Variants in DENND1A observed in about 807,000 individuals in gnomAD.
DENND1A encodes the protein DENN domain-containing protein 1A.
DENND1A carries 51 observed loss-of-function variants against 113.7 expected under a neutral mutation model. That is an observed-to-expected ratio of 0.45 (90% CI 0.36 to 0.57). The LOEUF (loss-of-function observed/expected upper bound fraction) is 0.57, where lower values mean the gene tolerates loss of function less well. Ranked by LOEUF, DENND1A falls within the 20% of genes least tolerant of loss-of-function variation. The pLI, the probability that DENND1A is intolerant of heterozygous loss-of-function variation, is 0.00. For synonymous variants in DENND1A, 565 were observed against 570.8 expected, an observed-to-expected ratio of 0.99 and a Z score of 0.14; for missense variants, 1,258 against 1,395.9, an observed-to-expected ratio of 0.90 and a Z score of 1.57.
intron 2 of DENND1A, among the ~76,000 whole-genome samples, chr9:123,857,076 C>T (rs1289464441): frequency 1.3e-5 from 2 of 151,884 alleles, no homozygotes; most frequent in Non-Finnish European, 2.9e-5. Flanking sequence ...CTAGAAGCAG[C>T]AACACCACCA....
chr9:123,751,510 G>C (rs2070026588), intron 5 of DENND1A: 1 of 152,144 alleles, frequency 6.6e-6, no homozygotes, highest in Admixed American at 6.5e-5. Context: ...AAAAACCCAA[G>C]CACATTTCAC....
rs191537652 is a variant in DENND1A at position 123,724,762 on chromosome 9, T to G, written c.302+32941A>C. The stretch of plus-strand genomic sequence containing the variant: ...TCGCCTTTCTTAGACTAAGAGATAT[T>G]CTGAAAATAAAGACTAAGAAGAATA... On this transcript the variant is annotated intron_variant, in intron 5 of 23. Transcript: ENST00000394215. Among the ~76,000 whole-genome samples, 223 of 152,298 alleles carry G rather than the reference T, an allele frequency of 1.5e-3. 1 individual carries two copies. Among genetic ancestry groups the G allele is most frequent in the African/African-American group, 5.3e-3 (219 of 41,562 alleles).
intron 1 of DENND1A, among the ~76,000 whole-genome samples, chr9:123,888,944 C>A (rs1849493095): frequency 7.2e-6 from 1 of 139,124 alleles, no homozygotes; most frequent in Admixed American, 7.2e-5. Flanking sequence ...CAGGTCAATA[C>A]CGTGCTTTAA....
chr9:123,604,700 C>T (rs72757122), intron 11 of DENND1A, among the ~76,000 whole-genome samples: 35 of 152,344 alleles, frequency 2.3e-4, no homozygotes, highest in Admixed American at 5.2e-4. Flanking sequence ...AGAAGTGTCA[C>T]TCCCAAGCCT....
At chr9:123,852,403 T>A (rs1390194877) in intron 2 of DENND1A, among the ~76,000 whole-genome samples, 1 of 152,212 alleles carries the variant, frequency 6.6e-6, no homozygotes, top group Non-Finnish European at 1.5e-5. Context: ...TCTGCTGAGC[T>A]GCCACAGCAC....
At chr9:123,812,656 ACT>A (rs1836812304) in intron 2 of DENND1A, among the ~76,000 whole-genome samples, 1 of 152,040 alleles carries the variant, frequency 6.6e-6, no homozygotes, top group Non-Finnish European at 1.5e-5. Flanking sequence ...TGTATAAAAT[ACT>A]CTCTTAGGAT....
At chr9:123,474,117 C>T (rs1362089372) in intron 13 of DENND1A, among the ~76,000 whole-genome samples, 1 of 149,824 alleles carries the variant, frequency 6.7e-6, no homozygotes, top group Non-Finnish European at 1.5e-5. Flanking sequence ...GCCTCAGCCT[C>T]CTGAGTAGCT....
intron 5 of DENND1A, among the ~76,000 whole-genome samples, chr9:123,715,939 G>A (rs1032343984): frequency 6.6e-6 from 1 of 152,090 alleles, no homozygotes; most frequent in East Asian, 1.9e-4. Flanking sequence ...GCCTCCCAAA[G>A]TGCTGGGATT....
intron 1 of DENND1A, among the ~76,000 whole-genome samples, chr9:123,904,223 A>G (rs1382454230): frequency 6.6e-6 from 1 of 152,116 alleles, no homozygotes; most frequent in Non-Finnish European, 1.5e-5. Context: ...TCTGTACATC[A>G]CCATCATCAA....
chr9:123,678,548 G>C (rs2064240459), intron 5 of DENND1A, among the ~76,000 whole-genome samples: 1 of 152,200 alleles, frequency 6.6e-6, no homozygotes, highest in African/African-American at 2.4e-5. Flanking sequence ...TATCCTGCCA[G>C]GGAGAGGGGA....
chr9:123,388,354 C>G (rs1487620368), intron 21 of DENND1A, among the ~76,000 whole-genome samples: 1 of 152,190 alleles, frequency 6.6e-6, no homozygotes, highest in Non-Finnish European at 1.5e-5. Flanking sequence ...AGGTTCATGG[C>G]TAAACGTCAA....
At chr9:123,608,066 C>A (rs2060251553) in intron 11 of DENND1A, among the ~76,000 whole-genome samples, 1 of 152,140 alleles carries the variant, frequency 6.6e-6, no homozygotes, top group Non-Finnish European at 1.5e-5. Flanking sequence ...CAGAAGAAAT[C>A]TCTTCAATCT....
intron 11 of DENND1A, among the ~76,000 whole-genome samples, chr9:123,588,633 A>AGGGG (rs1290448078): frequency 1.6e-3 from 134 of 86,320 alleles, no homozygotes; most frequent in Non-Finnish European, 2.8e-3. Flanking sequence ...AAAAAAAAAA[A>AGGGG]GGGGGGGGGG....
At chr9:123,507,166 G>A (rs1050335397) in intron 13 of DENND1A, among the ~76,000 whole-genome samples, 1 of 152,214 alleles carries the variant, frequency 6.6e-6, no homozygotes, top group African/African-American at 2.4e-5. Context: ...TCCAGCCTGG[G>A]CGACAGAGTG....
At chr9:123,641,136 A>G (rs2062005171) in intron 9 of DENND1A, among the ~76,000 whole-genome samples, 1 of 152,216 alleles carries the variant, frequency 6.6e-6, no homozygotes, top group African/African-American at 2.4e-5. Flanking sequence ...GAAACAACAC[A>G]GGAAATTATG....
At chr9:123,877,590 G>T (rs561517339) in intron 2 of DENND1A, among the ~76,000 whole-genome samples, 1 of 152,052 alleles carries the variant, frequency 6.6e-6, no homozygotes, top group Non-Finnish European at 1.5e-5. Context: ...TTGGGAGGCC[G>T]AGGTGGGTAG....
intron 12 of DENND1A, among the ~76,000 whole-genome samples, chr9:123,579,295 G>A (rs2058774557): frequency 6.6e-6 from 1 of 152,186 alleles, no homozygotes; most frequent in Non-Finnish European, 1.5e-5. Context: ...GACATGAAGT[G>A]AGGAAGCCAG....
At chr9:123,666,394 A>G (rs983588548) in intron 8 of DENND1A, among the ~76,000 whole-genome samples, 24 of 152,180 alleles carry the variant, frequency 1.6e-4, no homozygotes, top group Admixed American at 2.6e-4. Flanking sequence ...CTCACACTCT[A>G]GTTCACTGCT....
intron 12 of DENND1A, among the ~76,000 whole-genome samples, chr9:123,569,887 T>C (rs1298484147): frequency 6.6e-6 from 1 of 152,168 alleles, no homozygotes; most frequent in African/African-American, 2.4e-5. Flanking sequence ...ATGAATTTTA[T>C]CACATCATTC....
Sources: allele counts gnomAD v4.1 joint callset (sites outside exome capture counted in the v4.1 genomes callset), GRCh38; gene constraint gnomAD v4.1.1; transcripts MANE v1.5; gene names NCBI Gene and HGNC (gene_info 2026-07-23, HGNC 2026-07-21).